Variants in CERS6 observed in about 807,000 individuals in gnomAD.
The protein encoded by CERS6 is LAG1 homolog, ceramide synthase 6.
Under a neutral mutation model 56.8 loss-of-function variants are expected in CERS6, and 26 were observed. The observed-to-expected ratio is 0.46, with a 90% CI of 0.34 to 0.63. The LOEUF (loss-of-function observed/expected upper bound fraction) is 0.63. Among genes scored for constraint, CERS6 ranks in the 30% least tolerant of loss-of-function variants. The probability of loss-of-function intolerance (pLI) is 0.01; values close to 1 mark genes in which losing one functional copy is unlikely to be tolerated. For synonymous variants in CERS6, 164 were observed against 173.3 expected (o/e 0.95, Z 0.42); for missense variants, 415 against 467.5 (o/e 0.89, Z 1.04).
chr2:168,636,880 G>C (rs943289544), intron 4 of CERS6, among the ~76,000 whole-genome samples: 1 of 152,164 alleles, frequency 6.6e-6, no homozygotes, highest in Non-Finnish European at 1.5e-5. Flanking sequence ...ATGTGACTGT[G>C]AGGCCCTGTA....
At chr2:168,747,806 C>T (rs1341171195) in intron 8 of CERS6, among the ~76,000 whole-genome samples, 1 of 149,274 alleles carries the variant, frequency 6.7e-6, no homozygotes, top group Non-Finnish European at 1.5e-5. Context: ...CCTTATGATA[C>T]CAATAGCACT....
At chr2:168,709,158 G>A (rs979363913) in intron 6 of CERS6, among the ~76,000 whole-genome samples, 3 of 152,036 alleles carry the variant, frequency 2.0e-5, no homozygotes, top group Admixed American at 1.3e-4. Flanking sequence ...CCGAATTAAC[G>A]ATGCTGATTT....
intron 1 of CERS6, among the ~76,000 whole-genome samples, chr2:168,534,259 T>TG (rs1255988642): frequency 2.6e-5 from 4 of 152,146 alleles, no homozygotes; most frequent in Non-Finnish European, 5.9e-5. Context: ...TCTGCACCCT[T>TG]GCTGGGGCGA....
At chr2:168,690,524 G>A (rs1363497296) in intron 4 of CERS6, among the ~76,000 whole-genome samples, 3 of 152,164 alleles carry the variant, frequency 2.0e-5, no homozygotes, top group African/African-American at 7.2e-5. Flanking sequence ...GGCATGTGCT[G>A]TGAGGGTTAG....
chr2:168,723,172 T>A (rs2105400380), intron 8 of CERS6, among the ~76,000 whole-genome samples: 1 of 152,292 alleles, frequency 6.6e-6, no homozygotes, highest in South Asian at 2.1e-4. Flanking sequence ...ATAAGTAGAA[T>A]ATGATGGGGG....
At position 168,770,618 on chromosome 2, in the gene CERS6, A is replaced by C. The variant is rs183399581; in HGVS notation, c.*956A>C. 112 of 148,974 alleles carry C rather than the reference A, an allele frequency of 7.5e-4. 3 individuals carry two copies. The highest frequency in any genetic ancestry group is 2.1e-4 in the Non-Finnish European group (14 of 67,988). 9.2% of individuals were successfully genotyped at this position (148,974 alleles called of 1,614,324 possible). ...AGAAAGAAGTTAACTATATTTGGGGACAAAAAAATATTTCAAGAGTTGATA... is the reference window on the plus strand; with the variant it reads ...AGAAAGAAGTTAACTATATTTGGGGCCAAAAAAATATTTCAAGAGTTGATA... On this transcript the variant is annotated 3_prime_UTR_variant, in exon 10 of 10. Coordinates refer to ENST00000305747, the MANE Select transcript of CERS6 (RefSeq NM_203463.3).
intron 4 of CERS6, among the ~76,000 whole-genome samples, chr2:168,642,524 A>G (rs1685074424): frequency 6.6e-6 from 1 of 152,154 alleles, no homozygotes; most frequent in Non-Finnish European, 1.5e-5. Context: ...CATCACTAAG[A>G]AGTGAGTGAA....
intron 6 of CERS6, among the ~76,000 whole-genome samples, chr2:168,697,598 T>G (rs1053794724): frequency 6.6e-6 from 1 of 151,176 alleles, no homozygotes; most frequent in Non-Finnish European, 1.5e-5. Flanking sequence ...ACAGAGTGAG[T>G]TTATGTAAGT....
intron 1 of CERS6, among the ~76,000 whole-genome samples, chr2:168,461,947 G>A (rs1288004468): frequency 6.6e-6 from 1 of 152,194 alleles, no homozygotes; most frequent in Non-Finnish European, 1.5e-5. Context: ...GATTTCAGGT[G>A]AGTTTCCTCC....
rs1001023754 is a variant in CERS6, at chr2:168,499,548, G to A, written c.170+42930G>A. Among the ~76,000 whole-genome samples, 10 of 152,256 alleles carry A rather than the reference G, an allele frequency of 6.6e-5. 1 individual carries two copies. The highest frequency in any genetic ancestry group is 6.8e-3 in the Middle Eastern group (2 of 294). On this transcript the variant is annotated intron_variant, in intron 1 of 9. Coordinates refer to ENST00000305747, the MANE Select transcript of CERS6 (RefSeq NM_203463.3). ...CTGTAATGTGTAGTTGGTACTTCTTGTAACCCTTTGGCTTGTTTGGAAATT... is the reference window on the plus strand; with the variant it reads ...CTGTAATGTGTAGTTGGTACTTCTTATAACCCTTTGGCTTGTTTGGAAATT...
At chr2:168,567,037 A>G (rs554157446) in intron 3 of CERS6, among the ~76,000 whole-genome samples, 1 of 152,324 alleles carries the variant, frequency 6.6e-6, no homozygotes, top group South Asian at 2.1e-4. Flanking sequence ...TTTTTTCAGT[A>G]CTAGGATACA....
intron 3 of CERS6, among the ~76,000 whole-genome samples, chr2:168,585,426 T>G (rs1301402514): frequency 6.6e-6 from 1 of 152,218 alleles, no homozygotes; most frequent in African/African-American, 2.4e-5. Flanking sequence ...AAAAGTATGG[T>G]CTAATGATTA....
At chr2:168,604,434 G>T (rs1684004752) in intron 3 of CERS6, among the ~76,000 whole-genome samples, 3 of 151,888 alleles carry the variant, frequency 2.0e-5, no homozygotes, top group Admixed American at 2.0e-4. Flanking sequence ...GTAAACTAGG[G>T]TCAGTCAATC....
At chr2:168,686,466 A>AT (rs1686356414) in intron 4 of CERS6, among the ~76,000 whole-genome samples, 1 of 151,230 alleles carries the variant, frequency 6.6e-6, no homozygotes, top group African/African-American at 2.4e-5. Flanking sequence ...AAAAAAAAAA[A>AT]TTAAGGAAGG....
intron 1 of CERS6, among the ~76,000 whole-genome samples, chr2:168,481,731 A>G (rs1156858004): frequency 6.6e-6 from 1 of 152,254 alleles, no homozygotes. Context: ...TAACGTTGAA[A>G]TCATGGCTTA....
intron 8 of CERS6, among the ~76,000 whole-genome samples, chr2:168,725,959 C>T (rs1340534605): frequency 6.6e-6 from 1 of 152,154 alleles, no homozygotes; most frequent in African/African-American, 2.4e-5. Flanking sequence ...CATTGATCTG[C>T]ATCTCTCTCT....
At chr2:168,559,730 G>GCATTATATATATATATA (rs1695749684) in intron 2 of CERS6, among the ~76,000 whole-genome samples, 1 of 7,844 alleles carries the variant, frequency 1.3e-4, no homozygotes, top group African/African-American at 8.5e-4. Flanking sequence ...TTTTAGAAAG[G>GCATTATATATATATATA]TATCATATAT....
At chr2:168,573,350 A>C (rs1398373520) in intron 3 of CERS6, among the ~76,000 whole-genome samples, 5 of 152,220 alleles carry the variant, frequency 3.3e-5, no homozygotes, top group African/African-American at 1.2e-4. Context: ...TGGGTAGCAA[A>C]CCAGATTTGA....
At chr2:168,612,866 C>T (rs1316270150) in intron 3 of CERS6, among the ~76,000 whole-genome samples, 1 of 152,090 alleles carries the variant, frequency 6.6e-6, no homozygotes, top group Non-Finnish European at 1.5e-5. Context: ...AACTCTCATT[C>T]ATGTCAAAGC....
Sources: gnomAD v4.1 joint callset for allele counts (sites outside exome capture counted in the v4.1 genomes callset) on GRCh38, gnomAD v4.1.1 for gene constraint, MANE v1.5 for transcripts, NCBI Gene and HGNC (gene_info 2026-07-23, HGNC 2026-07-21) for gene names.